The following PRKG1 variants were observed in gnomAD, a reference collection of about 807,000 sequenced individuals.
PRKG1 encodes cGMP-dependent protein kinase 1.
Under a neutral mutation model 88.1 loss-of-function variants are expected in PRKG1, and 35 were observed. The observed-to-expected ratio is 0.40, with a 90% CI of 0.30 to 0.53. PRKG1 has a LOEUF of 0.53. Ranked by LOEUF, PRKG1 falls within the 20% of genes least tolerant of loss-of-function variation. The probability of loss-of-function intolerance (pLI) is 0.59; values close to 1 mark genes in which losing one functional copy is unlikely to be tolerated. For missense variants in PRKG1, 540 were observed against 839.8 expected (o/e 0.64, Z 4.41); for synonymous variants, 303 against 292.5 (o/e 1.04, Z -0.37).
At chr10:51,404,593 G>A (rs1837854846) in intron 2 of PRKG1, among the ~76,000 whole-genome samples, 2 of 152,114 alleles carry the variant, frequency 1.3e-5, no homozygotes, top group Admixed American at 1.3e-4. Context: ...TACTTGCTTG[G>A]GTGGAAATCC....
At chr10:51,466,497 G>A (rs1034612161) in intron 2 of PRKG1, among the ~76,000 whole-genome samples, 1 of 151,886 alleles carries the variant, frequency 6.6e-6, no homozygotes, top group African/African-American at 2.4e-5. Flanking sequence ...TATGTGAAAT[G>A]GTTTTCAGGG....
intron 3 of PRKG1, among the ~76,000 whole-genome samples, chr10:51,661,701 C>T (rs1332963622): frequency 6.6e-6 from 1 of 152,126 alleles, no homozygotes; most frequent in African/African-American, 2.4e-5. Flanking sequence ...ACTAGAAATA[C>T]CATTTGACTC....
In PRKG1 at chr10:51,943,542, G is replaced by A. The variant is rs1365483534; in HGVS notation, c.762+35972G>A. ...TCCCTGTCTTATGCCAGTTTTCAAA[G>A]GGAATGCTTCCAGTTTTTGCCCATT... is the stretch of plus-strand genomic sequence containing the variant. On this transcript the variant is annotated intron_variant, in intron 5 of 17. Coordinates refer to ENST00000373980, the MANE Select transcript of PRKG1 (RefSeq NM_006258.4). Among the ~76,000 whole-genome samples, 6 of 152,142 alleles carry A rather than the reference G, an allele frequency of 3.9e-5. No homozygotes were observed. In the South Asian group the frequency reaches 6.2e-4, roughly 16 times the overall value.
chr10:51,963,276 A>G (rs1264347312), intron 5 of PRKG1, among the ~76,000 whole-genome samples: 1 of 152,132 alleles, frequency 6.6e-6, no homozygotes, highest in Non-Finnish European at 1.5e-5. Context: ...TAGGCAGTTG[A>G]ATTCTCCACT....
At chr10:51,410,899 G>A (rs951776961) in intron 2 of PRKG1, among the ~76,000 whole-genome samples, 1 of 151,418 alleles carries the variant, frequency 6.6e-6, no homozygotes, top group Non-Finnish European at 1.5e-5. Context: ...TATTTTAATG[G>A]CTACACATTT....
chr10:51,870,583 GC>G (rs1841131479), intron 4 of PRKG1, among the ~76,000 whole-genome samples: 1 of 151,796 alleles, frequency 6.6e-6, no homozygotes, highest in Admixed American at 6.6e-5. Flanking sequence ...TATTATTTCT[GC>G]CTTTGTCTAT....
chr10:52,253,369 A>G (rs540591503), intron 10 of PRKG1: 1 of 152,110 alleles, frequency 6.6e-6, no homozygotes, highest in South Asian at 2.1e-4. Context: ...AAAATAACTT[A>G]CAGGCACTGA....
intron 7 of PRKG1, among the ~76,000 whole-genome samples, chr10:52,130,937 A>G (rs9971270): frequency 0.33 from 50,613 of 152,010 alleles, 8,759 homozygotes; most frequent in African/African-American, 0.42. Flanking sequence ...ATAATAAACA[A>G]CAGAACACAG....
At chr10:51,218,888 G>C (rs964221006) in intron 2 of PRKG1, among the ~76,000 whole-genome samples, 3 of 151,880 alleles carry the variant, frequency 2.0e-5, no homozygotes, top group Non-Finnish European at 4.4e-5. Context: ...AGGAAGGAAG[G>C]AAGAAGATAG....
At chr10:52,190,910 A>G (rs1171016305) in intron 9 of PRKG1, among the ~76,000 whole-genome samples, 1 of 152,180 alleles carries the variant, frequency 6.6e-6, no homozygotes, top group East Asian at 1.9e-4. Context: ...ATTTCCTCCC[A>G]AATACATCCT....
intron 4 of PRKG1, among the ~76,000 whole-genome samples, chr10:51,818,736 G>A (rs1839659113): frequency 1.0e-5 from 1 of 98,878 alleles, no homozygotes; most frequent in South Asian, 3.0e-4. Flanking sequence ...GGCCGGGCGC[G>A]GTGGCTCACG....
intron 4 of PRKG1, among the ~76,000 whole-genome samples, chr10:51,875,977 A>C (rs376177777): frequency 6.7e-6 from 1 of 148,734 alleles, no homozygotes; most frequent in Non-Finnish European, 1.5e-5. Context: ...TTTTCAGAGC[A>C]CATGCCGTCA....
chr10:51,301,529 G>C lies in PRKG1; in HGVS notation c.478+148199G>C, dbSNP rs567759254. Reference sequence around the variant, plus strand: ...CCACTTCAAAATGTGCAGAGAATTGGCTTATATTTTATTTGGAAACTAATG... The same window carrying C: ...CCACTTCAAAATGTGCAGAGAATTGCCTTATATTTTATTTGGAAACTAATG... On this transcript the variant is annotated intron_variant, in intron 2 of 17. Transcript: ENST00000373980. 2.0e-5 allele frequency among the ~76,000 whole-genome samples: 3 copies of C among 152,260 alleles called. No individual in the cohort carries two copies. In the East Asian group the frequency reaches 5.8e-4, roughly 29 times the overall value.
At chr10:52,049,317 A>T (rs1222921408) in intron 5 of PRKG1, among the ~76,000 whole-genome samples, 2 of 152,138 alleles carry the variant, frequency 1.3e-5, no homozygotes, top group Admixed American at 1.3e-4. Context: ...TTGAGTGCAA[A>T]GTCCCTAGAA....
At chr10:52,222,388 C>G (rs976212339) in intron 9 of PRKG1, among the ~76,000 whole-genome samples, 1 of 152,148 alleles carries the variant, frequency 6.6e-6, no homozygotes, top group African/African-American at 2.4e-5. Flanking sequence ...TCCAAGCCTA[C>G]TATAATGACA....
chr10:52,122,837 G>A (rs544835490), intron 7 of PRKG1, among the ~76,000 whole-genome samples: 23 of 152,230 alleles, frequency 1.5e-4, no homozygotes, highest in African/African-American at 4.6e-4. Context: ...CACCAGTCAC[G>A]TTTTAACATT....
chr10:51,763,845 A>T (rs921802819), intron 3 of PRKG1, among the ~76,000 whole-genome samples: 1 of 152,188 alleles, frequency 6.6e-6, no homozygotes, highest in Non-Finnish European at 1.5e-5. Context: ...GTCTCTGCAG[A>T]GTCTCAAGGT....
At chr10:51,810,605 C>A (rs1291123040) in intron 4 of PRKG1, among the ~76,000 whole-genome samples, 1 of 152,126 alleles carries the variant, frequency 6.6e-6, no homozygotes, top group Non-Finnish European at 1.5e-5. Flanking sequence ...GTGCTTTTCC[C>A]TTATTCTCTA....
intron 9 of PRKG1, among the ~76,000 whole-genome samples, chr10:52,171,765 A>C (rs1838685322): frequency 6.8e-6 from 1 of 147,152 alleles, no homozygotes; most frequent in Non-Finnish European, 1.5e-5. Flanking sequence ...CCTTGAATAG[A>C]AGTATTTTTC....
Sources: gnomAD v4.1 joint callset for allele counts (sites outside exome capture counted in the v4.1 genomes callset) on GRCh38, gnomAD v4.1.1 for gene constraint, MANE v1.5 for transcripts, NCBI Gene and HGNC (gene_info 2026-07-23, HGNC 2026-07-21) for gene names.